The following SEMA3D variants were observed in gnomAD, a reference collection of about 807,000 sequenced individuals.
SEMA3D encodes the protein semaphorin-3D.
SEMA3D carries 84 observed loss-of-function variants against 100.1 expected under a neutral mutation model. The ratio of observed to expected loss-of-function variants is 0.84; its 90% CI spans 0.70 to 1.01. The LOEUF is 1.01. Among genes scored for constraint, SEMA3D ranks in the 50% least tolerant of loss-of-function variants. The pLI is 0.00. For synonymous variants in SEMA3D, 312 were observed against 320.7 expected, an observed-to-expected ratio of 0.97 and a Z score of 0.29; for missense variants, 875 against 934.1, an observed-to-expected ratio of 0.94 and a Z score of 0.82.
chr7:85,154,608 T>C (rs914973341), intron 1 of SEMA3D, among the ~76,000 whole-genome samples: 2 of 152,140 alleles, frequency 1.3e-5, no homozygotes, highest in Non-Finnish European at 2.9e-5. Flanking sequence ...GCAAATGAAG[T>C]AATGGTCAGG....
At chr7:85,062,921 G>T (rs1791516129) in intron 8 of SEMA3D, among the ~76,000 whole-genome samples, 1 of 151,970 alleles carries the variant, frequency 6.6e-6, no homozygotes, top group African/African-American at 2.4e-5. Context: ...GAATGAAAAG[G>T]CAGTCAATAA....
chr7:85,143,541 T>A (rs1330291899), intron 2 of SEMA3D, among the ~76,000 whole-genome samples: 1 of 152,096 alleles, frequency 6.6e-6, no homozygotes, highest in East Asian at 1.9e-4. Flanking sequence ...TTTAAACTTA[T>A]CTAAACATAG....
At chr7:85,225,725 C>A in the SEMA3D span, among the ~76,000 whole-genome samples, 9 of 152,110 alleles carry the variant, frequency 5.9e-5, no homozygotes, top group East Asian at 5.8e-4. Flanking sequence ...CCCCTAGACA[C>A]TGCTGTGGGG....
At chr7:85,059,286 A>C (rs1055993088) in intron 8 of SEMA3D, among the ~76,000 whole-genome samples, 1 of 152,212 alleles carries the variant, frequency 6.6e-6, no homozygotes, top group Non-Finnish European at 1.5e-5. Context: ...CAAGGTCAAT[A>C]ATATAGTTCT....
At chr7:85,242,015 A>C in the SEMA3D span, among the ~76,000 whole-genome samples, 1 of 151,960 alleles carries the variant, frequency 6.6e-6, no homozygotes, top group Non-Finnish European at 1.5e-5. Flanking sequence ...GAGGTTCCTC[A>C]AAAACTAAAA....
At chr7:85,135,461 C>T (rs1432654471) in intron 2 of SEMA3D, among the ~76,000 whole-genome samples, 1 of 151,444 alleles carries the variant, frequency 6.6e-6, no homozygotes, top group Non-Finnish European at 1.5e-5. Flanking sequence ...ACAATGAGAA[C>T]ACTTGAACAC....
At chr7:85,217,141 CTT>C in the SEMA3D span, among the ~76,000 whole-genome samples, 3 of 151,924 alleles carry the variant, frequency 2.0e-5, no homozygotes, top group African/African-American at 7.2e-5. Context: ...TACACAACAT[CTT>C]TATTATTTTC....
At chr7:85,146,927 T>C (rs1175714340) in intron 2 of SEMA3D, among the ~76,000 whole-genome samples, 1 of 151,984 alleles carries the variant, frequency 6.6e-6, no homozygotes, top group Non-Finnish European at 1.5e-5. Context: ...GAAAGAATGT[T>C]GGTACAGCAA....
chr7:85,026,469 AAG>A (rs985281662), intron 12 of SEMA3D, among the ~76,000 whole-genome samples: 5 of 152,068 alleles, frequency 3.3e-5, no homozygotes, highest in Non-Finnish European at 5.9e-5. Flanking sequence ...CAATAGCAAT[AAG>A]ATGTTAGCTA....
intron 18 of SEMA3D, among the ~76,000 whole-genome samples, chr7:85,004,980 A>C (rs1317323104): frequency 6.6e-6 from 1 of 151,948 alleles, no homozygotes; most frequent in Non-Finnish European, 1.5e-5. Flanking sequence ...AATGCACAGA[A>C]TTTTCAAGAA....
chr7:85,074,353 A>T (rs1030101916), intron 5 of SEMA3D, among the ~76,000 whole-genome samples: 2 of 152,224 alleles, frequency 1.3e-5, no homozygotes, highest in African/African-American at 4.8e-5. Context: ...AAACAAATAA[A>T]TAAAAAACCC....
intron 12 of SEMA3D, among the ~76,000 whole-genome samples, chr7:85,026,226 G>A (rs1790387018): frequency 6.6e-6 from 1 of 151,862 alleles, no homozygotes; most frequent in Non-Finnish European, 1.5e-5. Context: ...ACCAACACCA[G>A]GAATGAATGA....
chr7:85,215,407 G>T, the SEMA3D span, among the ~76,000 whole-genome samples: 3 of 152,070 alleles, frequency 2.0e-5, no homozygotes, highest in Non-Finnish European at 4.4e-5. Context: ...TAGTTATCTG[G>T]AGCAGCTTGA....
At chr7:85,179,732 G>A (rs1465046708) in intron 1 of SEMA3D, among the ~76,000 whole-genome samples, 1 of 151,316 alleles carries the variant, frequency 6.6e-6, no homozygotes, top group Non-Finnish European at 1.5e-5. Context: ...TGCTATCTCG[G>A]CTCACTGCAA....
At chr7:85,150,854 C>T (rs1297282454) in intron 2 of SEMA3D, among the ~76,000 whole-genome samples, 1 of 151,972 alleles carries the variant, frequency 6.6e-6, no homozygotes, top group Non-Finnish European at 1.5e-5. Context: ...ACTTTCTTTA[C>T]ATTGAATTCC....
chr7:85,217,286 T>G, the SEMA3D span, among the ~76,000 whole-genome samples: 1 of 152,028 alleles, frequency 6.6e-6, no homozygotes, highest in Non-Finnish European at 1.5e-5. Flanking sequence ...TATGCCTGTT[T>G]CCAAGCCAGA....
intron 1 of SEMA3D, among the ~76,000 whole-genome samples, chr7:85,168,798 CAAAGAAAG>C (rs139670825): frequency 5.0e-5 from 6 of 120,606 alleles, no homozygotes; most frequent in Non-Finnish European, 7.0e-5. Context: ...GGAAAGGTGA[CAAAGAAAG>C]AAAGAAAGAA....
chr7:85,160,968 A>C (rs1013954662), intron 1 of SEMA3D, among the ~76,000 whole-genome samples: 2 of 152,208 alleles, frequency 1.3e-5, no homozygotes, highest in African/African-American at 2.4e-5. Context: ...AAGTATAAAA[A>C]TGCAAGCAAT....
At chr7:85,242,668 T>C in the SEMA3D span, among the ~76,000 whole-genome samples, 2 of 152,190 alleles carry the variant, frequency 1.3e-5, no homozygotes, top group African/African-American at 4.8e-5. Context: ...ATTTATCTAC[T>C]TCTCCTTATG....
Sources: gnomAD v4.1 joint callset for allele counts (sites outside exome capture counted in the v4.1 genomes callset) on GRCh38, gnomAD v4.1.1 for gene constraint, MANE v1.5 for transcripts, NCBI Gene and HGNC (gene_info 2026-07-23, HGNC 2026-07-21) for gene names.